The following TTC17 variants were observed in gnomAD, a reference collection of about 807,000 sequenced individuals.
TTC17 encodes the protein tetratricopeptide repeat protein 17.
A neutral mutation model predicts 143.8 loss-of-function variants in TTC17; 58 were observed. The ratio of observed to expected loss-of-function variants is 0.40; its 90% CI spans 0.33 to 0.50. The LOEUF is 0.50. TTC17 is among the 20% of genes least tolerant of loss of function. TTC17 has a pLI of 0.49. For synonymous variants in TTC17, 501 were observed against 497.8 expected, an observed-to-expected ratio of 1.01 and a Z score of -0.09; for missense variants, 1,273 against 1,392.5, an observed-to-expected ratio of 0.91 and a Z score of 1.37.
intron 3 of TTC17, 39 bp from the exon 4 acceptor site, chr11:43,391,426 C>A: frequency 8.0e-7 from 1 of 1,250,076 alleles, no homozygotes; most frequent in Non-Finnish European, 1.2e-6. Flanking sequence ...TATTGTTTAT[C>A]TCACCTTTTA....
chr11:43,373,805 A>G (rs1009833624), intron 1 of TTC17, among the ~76,000 whole-genome samples: 4 of 152,230 alleles, frequency 2.6e-5, no homozygotes, highest in Non-Finnish European at 4.4e-5. Context: ...TTATAGAAGT[A>G]GGATTTGAAA....
At chr11:43,476,420 A>G (rs1948185012) in intron 21 of TTC17, among the ~76,000 whole-genome samples, 1 of 152,256 alleles carries the variant, frequency 6.6e-6, no homozygotes, top group African/African-American at 2.4e-5. Context: ...GCCTTGGAGA[A>G]TGCATGGTGT....
intron 21 of TTC17, among the ~76,000 whole-genome samples, chr11:43,456,375 A>C (rs932347497): frequency 6.6e-6 from 1 of 152,208 alleles, no homozygotes; most frequent in African/African-American, 2.4e-5. Flanking sequence ...GTATCTAATA[A>C]AATCATATGT....
At chr11:43,484,856 A>G (rs1426499645) in intron 21 of TTC17, among the ~76,000 whole-genome samples, 3 of 152,168 alleles carry the variant, frequency 2.0e-5, no homozygotes, top group Non-Finnish European at 4.4e-5. Context: ...GGTGAGTGGC[A>G]GGTGAACTTC....
At chr11:43,396,427 G>A in intron 5 of TTC17, 1 of 211,252 alleles carries the variant, frequency 4.7e-6, no homozygotes, top group Non-Finnish European at 9.3e-6. Context: ...GTGATCAGTT[G>A]GTGGGATTTT....
intron 1 of TTC17, among the ~76,000 whole-genome samples, chr11:43,365,342 C>T (rs1856291213): frequency 1.3e-5 from 2 of 152,090 alleles, no homozygotes; most frequent in South Asian, 2.1e-4. Flanking sequence ...GATTATGGCT[C>T]ATTGTAAACT....
intron 10 of TTC17, among the ~76,000 whole-genome samples, chr11:43,403,369 A>G (rs538715609): frequency 6.6e-6 from 1 of 152,108 alleles, no homozygotes; most frequent in Non-Finnish European, 1.5e-5. Context: ...TTCCTACCCC[A>G]TCCCATCCCC....
At chr11:43,405,363 T>G in intron 11 of TTC17, 151 bp from the exon 12 acceptor site, 1 of 648,714 alleles carries the variant, frequency 1.5e-6, no homozygotes, top group East Asian at 2.8e-5. Flanking sequence ...AGATTAATAA[T>G]CTGCAGTAGC....
intron 16 of TTC17, among the ~76,000 whole-genome samples, chr11:43,424,590 C>T (rs1411917883): frequency 3.3e-5 from 5 of 151,560 alleles, no homozygotes; most frequent in African/African-American, 4.8e-5. Flanking sequence ...ACCAACATGG[C>T]GAAACCCCAT....
intron 16 of TTC17, chr11:43,436,481 G>A: frequency 4.6e-6 from 3 of 649,666 alleles, no homozygotes; most frequent in Non-Finnish European, 6.6e-6. Flanking sequence ...TAGGTGGTGA[G>A]GCAGAAGACA....
In TTC17 at chr11:43,439,808, G is replaced by T. The variant is rs188212519; in HGVS notation, c.2252-3517G>T. Among the ~76,000 whole-genome samples the T allele has an allele frequency of 1.2e-4, 18 of 152,108 alleles. No individual in the cohort carries two copies. In the East Asian group the frequency reaches 1.7e-3, roughly 15 times the overall value. On this transcript the variant is annotated intron_variant, in intron 16 of 23. Transcript: ENST00000039989. ...TCTTAACACTTCTCCTAGTCCCTGTGATTCTTGATAGTACCTAATATGGCT... is the reference window on the plus strand; with the variant it reads ...TCTTAACACTTCTCCTAGTCCCTGTTATTCTTGATAGTACCTAATATGGCT...
chr11:43,457,325 C>T (rs758460335), intron 21 of TTC17, among the ~76,000 whole-genome samples: 16 of 152,072 alleles, frequency 1.1e-4, no homozygotes, highest in African/African-American at 1.7e-4. Flanking sequence ...CTTACGACCT[C>T]TTTGCCTAAT....
At chr11:43,419,682 T>G (rs1255186643) in intron 16 of TTC17, among the ~76,000 whole-genome samples, 5 of 152,340 alleles carry the variant, frequency 3.3e-5, no homozygotes, top group East Asian at 1.9e-4. Context: ...GACCCAATTT[T>G]AATAGTACTT....
intron 21 of TTC17, among the ~76,000 whole-genome samples, chr11:43,465,662 C>T (rs527597983): frequency 1.2e-4 from 18 of 152,164 alleles, no homozygotes; most frequent in East Asian, 1.2e-3. Flanking sequence ...ATTTTCCACA[C>T]GGGTACCAAG....
At chr11:43,426,571 T>C (rs1471800303) in intron 16 of TTC17, among the ~76,000 whole-genome samples, 1 of 152,230 alleles carries the variant, frequency 6.6e-6, no homozygotes, top group Admixed American at 6.5e-5. Flanking sequence ...CATTGTTTGA[T>C]AGAGGGACTT....
chr11:43,473,246 G>A (rs1321190616), intron 21 of TTC17, among the ~76,000 whole-genome samples: 1 of 151,838 alleles, frequency 6.6e-6, no homozygotes, highest in Non-Finnish European at 1.5e-5. Context: ...ATAATCCATG[G>A]GTCAATGAAA....
At chr11:43,441,439 C>T (rs1455137062) in intron 16 of TTC17, among the ~76,000 whole-genome samples, 1 of 151,948 alleles carries the variant, frequency 6.6e-6, no homozygotes, top group Non-Finnish European at 1.5e-5. Context: ...CTTATTATTT[C>T]ATGTATGTAG....
intron 18 of TTC17, among the ~76,000 whole-genome samples, chr11:43,445,207 C>T (rs982581190): frequency 3.9e-5 from 6 of 152,274 alleles, no homozygotes; most frequent in South Asian, 2.1e-4. Flanking sequence ...TCATCAACTA[C>T]ATTTTTTTCA....
chr11:43,378,857 C>G (rs1369394623), intron 1 of TTC17: 1 of 183,174 alleles, frequency 5.5e-6, no homozygotes, highest in Non-Finnish European at 1.1e-5. Context: ...CACTTCCAAG[C>G]CTATTCAGAT....
Sources: gnomAD v4.1 joint callset for allele counts (sites outside exome capture counted in the v4.1 genomes callset) on GRCh38, gnomAD v4.1.1 for gene constraint, MANE v1.5 for transcripts, NCBI Gene and HGNC (gene_info 2026-07-23, HGNC 2026-07-21) for gene names.